RABGEF1: variants seen among roughly 807,000 people sequenced by gnomAD.
RABGEF1 encodes RAB guanine nucleotide exchange factor 1, also known as rab5 GDP/GTP exchange factor.
A neutral mutation model predicts 57.3 loss-of-function variants in RABGEF1; 26 were observed. The ratio of observed to expected loss-of-function variants is 0.45; its 90% CI spans 0.33 to 0.63. RABGEF1 has a LOEUF of 0.63. Among genes scored for constraint, RABGEF1 ranks in the 20% least tolerant of loss-of-function variants. RABGEF1 has a pLI of 0.02. For synonymous variants in RABGEF1, 185 were observed against 210.7 expected (o/e 0.88, Z 1.06); for missense variants, 464 against 607.6 (o/e 0.76, Z 2.48).
rs868757729 is a variant in RABGEF1, at chr7:66,685,549, C to G, written c.-873+3291C>G. On this transcript the variant is annotated intron_variant and NMD_transcript_variant, in intron 1 of 9. Coordinates refer to the RABGEF1 transcript ENST00000607882. ...ATACTCATTTCCTGGTTGTTTCTTT[C>G]TGTAAGGATGTCTGACCCAGCTAAT... 2.0e-5 allele frequency among the ~76,000 whole-genome samples: 3 copies of G among 152,208 alleles called. No individual in the cohort carries two copies. In the South Asian group the frequency reaches 6.2e-4, roughly 31 times the overall value.
chr7:66,753,924 C>G lies in RABGEF1; in HGVS notation c.-18+13132C>G, dbSNP rs1802076444. 1.3e-5 allele frequency among the ~76,000 whole-genome samples: 2 copies of G among 150,144 alleles called. 1 individual carries two copies. The highest frequency in any genetic ancestry group is 3.0e-5 in the Non-Finnish European group (2 of 67,538). On this transcript the variant is annotated intron_variant, in intron 1 of 8. Coordinates refer to ENST00000284957, the MANE Select transcript of RABGEF1 (RefSeq NM_014504.3). ...GTTTTACTGTGTTGGCCAGGCTGTT[C>G]TTGAACTCCTGACCTTGTGATCCAC...
intron 3 of RABGEF1, among the ~76,000 whole-genome samples, chr7:66,781,049 A>G (rs1809768941): frequency 6.6e-6 from 1 of 152,106 alleles, no homozygotes; most frequent in Non-Finnish European, 1.5e-5. Context: ...GATTTTTGAT[A>G]AGGGAAGGTT....
At chr7:66,688,469 A>C (rs767988255) in intron 1 of RABGEF1, among the ~76,000 whole-genome samples, 1 of 152,224 alleles carries the variant, frequency 6.6e-6, no homozygotes, top group Non-Finnish European at 1.5e-5. Flanking sequence ...CATTCTTTTC[A>C]AGAGCATGTG....
At chr7:66,659,795 T>A in the RABGEF1 span, among the ~76,000 whole-genome samples, 1 of 147,996 alleles carries the variant, frequency 6.8e-6, no homozygotes, top group African/African-American at 2.5e-5. Flanking sequence ...AATAAATAAA[T>A]AAAAATAAAA....
chr7:66,801,427 A>G lies in RABGEF1; in HGVS notation c.820+2013A>G, dbSNP rs774766585. On this transcript the variant is annotated intron_variant, in intron 7 of 8. Transcript: ENST00000284957. ...TCTCTTAATTACTTTTTAATGTACA[A>G]TTAAATTACTTTTGACTATAGTTCC... Among the ~76,000 whole-genome samples, 12 of 152,256 alleles carry G rather than the reference A, an allele frequency of 7.9e-5. 1 individual carries two copies. Among genetic ancestry groups the G allele is most frequent in the Admixed American group, 7.8e-4 (12 of 15,294 alleles).
At chr7:66,670,072 T>C in the RABGEF1 span, among the ~76,000 whole-genome samples, 1 of 152,092 alleles carries the variant, frequency 6.6e-6, no homozygotes, top group Non-Finnish European at 1.5e-5. Context: ...TTCTCCTTCT[T>C]AAACCGCCCC....
intron 4 of RABGEF1, among the ~76,000 whole-genome samples, chr7:66,787,118 C>T (rs920850311): frequency 6.6e-6 from 1 of 151,936 alleles, no homozygotes; most frequent in South Asian, 2.1e-4. Flanking sequence ...CCTTTACCTT[C>T]CAGGTTCCAG....
chr7:66,684,128 T>TA (rs1340180288), intron 1 of RABGEF1, among the ~76,000 whole-genome samples: 1 of 152,150 alleles, frequency 6.6e-6, no homozygotes, highest in Non-Finnish European at 1.5e-5. Context: ...GAAGGGTTTT[T>TA]AGCTGGGTCC....
chr7:66,771,767 A>AT (rs1285709610), intron 1 of RABGEF1, 116 bp from the exon 2 acceptor site: 15 of 631,534 alleles, frequency 2.4e-5, no homozygotes, highest in Middle Eastern at 2.8e-4. Context: ...CATTCCCTCC[A>AT]TCCCTCTCTT....
At chr7:66,670,894 T>TACACACACACACACACAC in the RABGEF1 span, among the ~76,000 whole-genome samples, 255 of 145,668 alleles carry the variant, frequency 1.8e-3, no homozygotes, top group Non-Finnish European at 2.3e-3. Flanking sequence ...CACATACGTA[T>TACACACACACACACACAC]ACACACACAC....
At chr7:66,717,640 C>T (rs1795557424) in intron 2 of RABGEF1, among the ~76,000 whole-genome samples, 1 of 152,092 alleles carries the variant, frequency 6.6e-6, no homozygotes, top group African/African-American at 2.4e-5. Context: ...CTCACTACAG[C>T]CTTGACCTCC....
In RABGEF1 at chr7:66,695,920, C is replaced by T. The variant is rs141275886; in HGVS notation, c.-873+13662C>T. Among the ~76,000 whole-genome samples, 651 of 151,188 alleles carry T rather than the reference C, an allele frequency of 4.3e-3. 6 individuals are homozygous for T. The highest frequency in any genetic ancestry group is 0.014 in the African/African-American group (560 of 41,138). Reference sequence around the variant, plus strand: ...GTCGGAGGTTGCAGTGAGCTGAGATCGCACCACCGTACTTCAGCGTGGGTA... The same window carrying T: ...GTCGGAGGTTGCAGTGAGCTGAGATTGCACCACCGTACTTCAGCGTGGGTA... On this transcript the variant is annotated intron_variant and NMD_transcript_variant, in intron 1 of 9. Transcript: ENST00000607882.
chr7:66,708,836 A>G (rs1443472193), intron 1 of RABGEF1, among the ~76,000 whole-genome samples: 2 of 151,892 alleles, frequency 1.3e-5, no homozygotes. Context: ...AACAACAGAA[A>G]AATAGGTTTT....
intron 1 of RABGEF1, among the ~76,000 whole-genome samples, chr7:66,689,445 A>G (rs1416395160): frequency 6.6e-6 from 1 of 152,208 alleles, no homozygotes; most frequent in Admixed American, 6.5e-5. Flanking sequence ...TGAATAACCA[A>G]ATGAAATGGC....
the RABGEF1 span, among the ~76,000 whole-genome samples, chr7:66,671,436 G>T: frequency 6.6e-6 from 1 of 152,144 alleles, no homozygotes; most frequent in Admixed American, 6.6e-5. Context: ...ACAACATGGA[G>T]AGTACCTTTA....
upstream of RABGEF1, chr7:66,682,153 G>A (rs1356543819): frequency 1.2e-5 from 2 of 167,802 alleles, no homozygotes; most frequent in East Asian, 3.9e-4. Flanking sequence ...GGCTGGAGCG[G>A]ACTGGGGAAC....
In RABGEF1 at chr7:66,688,858, C is replaced by T. The variant is rs553988329; in HGVS notation, c.-873+6600C>T. 9.9e-5 allele frequency among the ~76,000 whole-genome samples: 15 copies of T among 152,150 alleles called. No individual in the cohort carries two copies. The South Asian group carries it at 1.0e-3, about 11-fold the overall frequency. On this transcript the variant is annotated intron_variant and NMD_transcript_variant, in intron 1 of 9. Coordinates refer to the RABGEF1 transcript ENST00000607882. ...TCAACATCCCAGCATTTTGGGAGGC[C>T]GAAGCGGGAGGATCACCTGAGGTCA...
At chr7:66,805,947 G>A (rs989320023) in intron 8 of RABGEF1, among the ~76,000 whole-genome samples, 3 of 150,066 alleles carry the variant, frequency 2.0e-5, no homozygotes, top group East Asian at 2.0e-4. Context: ...GTCTCGCTGT[G>A]TTGCCCAGGC....
At chr7:66,776,036 T>C (rs1808448858) in intron 3 of RABGEF1, among the ~76,000 whole-genome samples, 1 of 152,232 alleles carries the variant, frequency 6.6e-6, no homozygotes, top group Non-Finnish European at 1.5e-5. Flanking sequence ...TTGAGCAGAC[T>C]AGCTAGTTGA....
Sources: gnomAD v4.1 joint callset for allele counts (sites outside exome capture counted in the v4.1 genomes callset) on GRCh38, gnomAD v4.1.1 for gene constraint, MANE v1.5 for transcripts, NCBI Gene and HGNC (gene_info 2026-07-23, HGNC 2026-07-21) for gene names.